Variants in RGS13 observed in about 807,000 individuals in gnomAD.
RGS13 encodes the protein regulator of G-protein signalling 13.
A neutral mutation model predicts 19.9 loss-of-function variants in RGS13; 14 were observed. The ratio of observed to expected loss-of-function variants is 0.70; its 90% CI spans 0.46 to 1.10. The LOEUF is 1.10. Ranked by LOEUF, RGS13 falls within the 50% of genes least tolerant of loss-of-function variation. The probability of loss-of-function intolerance (pLI) is 0.00; values close to 1 mark genes in which losing one functional copy is unlikely to be tolerated. For missense variants in RGS13, 205 were observed against 187.1 expected (o/e 1.10, Z -0.56); for synonymous variants, 60 against 56.8 (o/e 1.06, Z -0.25).
intron 5 of RGS13, among the ~76,000 whole-genome samples, chr1:192,649,981 A>G (rs530003613): frequency 6.6e-6 from 1 of 152,212 alleles, no homozygotes; most frequent in Admixed American, 6.6e-5. Flanking sequence ...CAAACCCCTG[A>G]GAGACTGAAA....
At chr1:192,653,212 C>A (rs2102036588) in intron 5 of RGS13, among the ~76,000 whole-genome samples, 1 of 151,906 alleles carries the variant, frequency 6.6e-6, no homozygotes, top group East Asian at 1.9e-4. Flanking sequence ...AAAAAACAGA[C>A]AAAAGATTTG....
chr1:192,656,771 C>A (rs7544449), intron 5 of RGS13, among the ~76,000 whole-genome samples: 2 of 151,984 alleles, frequency 1.3e-5, no homozygotes, highest in Non-Finnish European at 2.9e-5. Flanking sequence ...GTTTCCCCAA[C>A]TCCAATGCCT....
At chr1:192,652,004 A>G (rs915553914) in intron 5 of RGS13, among the ~76,000 whole-genome samples, 14 of 152,096 alleles carry the variant, frequency 9.2e-5, no homozygotes, top group African/African-American at 2.9e-4. Context: ...TGGCTTGTTC[A>G]GGTTGCCCCA....
At chr1:192,646,428 G>A (rs1396048980) in intron 4 of RGS13, 38 of 152,100 alleles carry the variant, frequency 2.5e-4, no homozygotes, top group Admixed American at 2.4e-3. Context: ...GTTGAAAGCA[G>A]AACAATTAAG....
At position 192,644,364 on chromosome 1, in the gene RGS13, G is replaced by A. The variant is rs1236135807; in HGVS notation, c.30G>A (p.Lys10=). ...GCAGGCGGAATTGTTGGATTTGTAA[G>A]ATGTGCAGAGATGAATCTAAGAGGC... MSRRNCWIC[K]MCRDESKRPP... Residue 10 remains lysine (K), a synonymous_variant, in exon 4 of 7, where the codon AAG becomes AAA. Coordinates refer to ENST00000391995, the MANE Select transcript of RGS13 (RefSeq NM_002927.5). 6.2e-7 allele frequency: 1 copy of A among 1,611,858 alleles called. No individual in the cohort carries two copies. The highest frequency in any genetic ancestry group is 1.1e-5 in the South Asian group (1 of 90,780).
chr1:192,641,258 G>GAAAGA (rs1558049248), intron 3 of RGS13, among the ~76,000 whole-genome samples: 5 of 70,064 alleles, frequency 7.1e-5, no homozygotes, highest in South Asian at 5.0e-4. Context: ...AGAAAGAAAA[G>GAAAGA]AAAGAAAGAA....
chr1:192,641,254 A>AAAAAGAAAG (rs1663109862), intron 3 of RGS13, among the ~76,000 whole-genome samples: 1 of 67,390 alleles, frequency 1.5e-5, no homozygotes, highest in Non-Finnish European at 3.1e-5. Flanking sequence ...GAAAAGAAAG[A>AAAAAGAAAG]AAAGAAAGAA....
intron 5 of RGS13, among the ~76,000 whole-genome samples, chr1:192,657,929 T>C (rs1663473172): frequency 1.3e-5 from 2 of 152,132 alleles, no homozygotes; most frequent in Admixed American, 6.6e-5. Context: ...GTCCTATCTG[T>C]CCTAGACTCA....
rs1663057093 is a variant in RGS13 at position 192,638,832 on chromosome 1, T to C, written c.-5+629T>C. Reference sequence around the variant, plus strand: ...TCATTGATGCTTTTATGACATTATATTCTATTTGTATTCCATAATTTAATA... The same window carrying C: ...TCATTGATGCTTTTATGACATTATACTCTATTTGTATTCCATAATTTAATA... On this transcript the variant is annotated intron_variant, in intron 3 of 6. Coordinates refer to ENST00000391995, the MANE Select transcript of RGS13 (RefSeq NM_002927.5). Among the ~76,000 whole-genome samples, 3 of 152,158 alleles carry C rather than the reference T, an allele frequency of 2.0e-5. No individual in the cohort carries two copies. In the South Asian group the frequency reaches 6.2e-4, roughly 32 times the overall value.
intron 4 of RGS13, chr1:192,645,055 A>T (rs1663191779): frequency 6.6e-6 from 1 of 152,274 alleles, no homozygotes; most frequent in Non-Finnish European, 1.5e-5. Context: ...TCACTAAAAT[A>T]CCAAAATGTC....
chr1:192,657,861 A>C (rs1313118800), intron 5 of RGS13, among the ~76,000 whole-genome samples: 3 of 152,096 alleles, frequency 2.0e-5, no homozygotes, highest in Non-Finnish European at 4.4e-5. Flanking sequence ...CTTCATGATT[A>C]GAGCCCCCGT....
chr1:192,659,696 T>A lies in RGS13; in HGVS notation c.*173T>A. On this transcript the variant is annotated 3_prime_UTR_variant, in exon 7 of 7. Transcript: ENST00000391995. ...ATTTCAAAAGCAATGGAATCTAGAA[T>A]TCTTATAACATGAATAACAAAATGT... 1 of 574,208 alleles carries A rather than the reference T, an allele frequency of 1.7e-6. No homozygotes were observed. The highest frequency in any genetic ancestry group is 2.4e-5 in the South Asian group (1 of 41,602). The allele number at this position is 574,208 out of a possible 1,614,324, so 35.6% of individuals were successfully genotyped here. A position where few individuals can be genotyped will look rare whatever the true frequency, so the allele number is the denominator to read the frequency against.
chr1:192,644,314 A>G lies in RGS13; in HGVS notation c.-4-17A>G, dbSNP rs1558050154. 4 of 1,556,718 alleles carry G rather than the reference A, an allele frequency of 2.6e-6. No homozygotes were observed. The highest frequency in any genetic ancestry group is 2.3e-5 in the South Asian group (2 of 88,324). On this transcript the variant is annotated splice_polypyrimidine_tract_variant and intron_variant, in intron 3 of 6. Coordinates refer to ENST00000391995, the MANE Select transcript of RGS13 (RefSeq NM_002927.5). Reference sequence around the variant, plus strand: ...TTAAATGATTAAATTATACAAATATATACTGTATTTCCTTAGAAAAATGAG... The same window carrying G: ...TTAAATGATTAAATTATACAAATATGTACTGTATTTCCTTAGAAAAATGAG...
chr1:192,638,891 A>C (rs1259553142), intron 3 of RGS13, among the ~76,000 whole-genome samples: 1 of 152,164 alleles, frequency 6.6e-6, no homozygotes, highest in Non-Finnish European at 1.5e-5. Context: ...ATGCTAACCA[A>C]CATATAAACA....
chr1:192,654,674 T>A (rs1475877304), intron 5 of RGS13, among the ~76,000 whole-genome samples: 1 of 152,030 alleles, frequency 6.6e-6, no homozygotes, highest in Non-Finnish European at 1.5e-5. Context: ...AGCCTTGCAG[T>A]CTTACAGAAA....
chr1:192,659,388 A>G lies in RGS13; in HGVS notation c.345A>G (p.Glu115=), dbSNP rs774472203. Reference sequence around the variant, plus strand: ...AGACTATCATCAGGAACATTCAGGAACCCACTGAAACATGTTTTGAAGAAG... The same window carrying G: ...AGACTATCATCAGGAACATTCAGGAGCCCACTGAAACATGTTTTGAAGAAG... ...TRETIIRNIQ[E]PTETCFEEAQ... The change falls in exon 7 of 7, where the codon GAA becomes GAG. Residue 115 remains glutamate, a synonymous_variant. Transcript: ENST00000391995. The G allele has an allele frequency of 8.1e-6, 13 of 1,612,892 alleles. No individual in the cohort carries two copies. In the East Asian group the frequency reaches 2.5e-4, roughly 31 times the overall value.
At chr1:192,638,518 C>G (rs772612167) in intron 3 of RGS13, among the ~76,000 whole-genome samples, 1 of 151,924 alleles carries the variant, frequency 6.6e-6, no homozygotes, top group Non-Finnish European at 1.5e-5. Flanking sequence ...GTACATGGTA[C>G]GTGTGAATCC....
intron 5 of RGS13, among the ~76,000 whole-genome samples, chr1:192,657,720 G>A (rs556076516): frequency 2.0e-5 from 3 of 152,204 alleles, no homozygotes; most frequent in South Asian, 2.1e-4. Flanking sequence ...ACTCCAGGGT[G>A]TACAAACTAA....
At chr1:192,648,265 T>A (rs573159208) in intron 5 of RGS13, among the ~76,000 whole-genome samples, 1 of 152,174 alleles carries the variant, frequency 6.6e-6, no homozygotes, top group East Asian at 1.9e-4. Flanking sequence ...ACGCATACCA[T>A]AGCCTTCTAA....
Sources: gnomAD v4.1 joint callset for allele counts (sites outside exome capture counted in the v4.1 genomes callset) on GRCh38, gnomAD v4.1.1 for gene constraint, MANE v1.5 for transcripts, NCBI Gene and HGNC (gene_info 2026-07-23, HGNC 2026-07-21) for gene names.